CFAP57: variants seen among roughly 807,000 people sequenced by gnomAD.
CFAP57 encodes cilia- and flagella-associated protein 57.
In CFAP57, 116 loss-of-function variants were observed where a neutral mutation model predicts 146.8. That is an observed-to-expected ratio of 0.79 (90% CI 0.68 to 0.92). CFAP57 has a LOEUF of 0.92. Ranked by LOEUF, CFAP57 falls within the 40% of genes least tolerant of loss-of-function variation. The pLI, the probability that CFAP57 is intolerant of heterozygous loss-of-function variation, is 0.00. For synonymous variants in CFAP57, 518 were observed against 552.8 expected (o/e 0.94, Z 0.88); for missense variants, 1,377 against 1,527.2 (o/e 0.90, Z 1.64).
intron 6 of CFAP57, among the ~76,000 whole-genome samples, chr1:43,188,578 C>T (rs1405855596): frequency 6.6e-6 from 1 of 152,074 alleles, no homozygotes; most frequent in African/African-American, 2.4e-5. Context: ...GAAGAAATGT[C>T]TATTCAGATT....
intron 3 of CFAP57, among the ~76,000 whole-genome samples, 172 bp from the exon 4 acceptor site, chr1:43,183,419 A>C (rs1048363387): frequency 2.6e-5 from 4 of 152,180 alleles, no homozygotes; most frequent in African/African-American, 7.2e-5. Flanking sequence ...CTATAAATAT[A>C]ATGGATTATA....
In CFAP57 at chr1:43,172,883, G is replaced by T. The variant is rs758673449; in HGVS notation, c.130G>T (p.Asp44Tyr). 6.2e-7 allele frequency: 1 copy of T among 1,613,978 alleles called. No individual in the cohort carries two copies. The highest frequency in any genetic ancestry group is 1.7e-5 in the Admixed American group (1 of 60,000). Residue 44 changes from aspartate to tyrosine, a missense_variant, in exon 2 of 23, where the codon GAT becomes TAT. Coordinates refer to ENST00000372492, the MANE Select transcript of CFAP57 (RefSeq NM_001378189.1). ...SGNHCVKYNVDQKWQKFIPGS... is the reference protein window; with the variant it reads ...SGNHCVKYNVYQKWQKFIPGS... Reference sequence around the variant, plus strand: ...AAATCACTGTGTGAAGTACAATGTGGATCAGAAATGGCAAAAATTCATTCC... The same window carrying T: ...AAATCACTGTGTGAAGTACAATGTGTATCAGAAATGGCAAAAATTCATTCC...
Position 43,189,240 on chromosome 1 carries a change from C to T in CFAP57, c.1122+2381C>T, listed in dbSNP as rs116172774. The stretch of plus-strand genomic sequence containing the variant: ...TGGGTAGTCTGTGTCCCTTGCAATT[C>T]CATATGGATTTTACAGTCAGCTTTT... On this transcript the variant is annotated intron_variant, in intron 6 of 22. Coordinates refer to ENST00000372492, the MANE Select transcript of CFAP57 (RefSeq NM_001378189.1). 4.5e-3 allele frequency among the ~76,000 whole-genome samples: 691 copies of T among 152,290 alleles called. 3 individuals are homozygous for T. The highest frequency in any genetic ancestry group is 0.016 in the African/African-American group (662 of 41,550).
Position 43,215,244 on chromosome 1 carries a change from T to C in CFAP57, c.1930-11T>C. ...TGAAAGCTTCCTGGCCATGACCCTT[T>C]TTCTCTTCAGATGTTGCTTACCTTT... On this transcript the variant is annotated splice_polypyrimidine_tract_variant and intron_variant, in intron 11 of 22. Coordinates refer to ENST00000372492, the MANE Select transcript of CFAP57 (RefSeq NM_001378189.1). 6.4e-7 allele frequency: 1 copy of C among 1,551,034 alleles called. No individual in the cohort carries two copies. Among genetic ancestry groups the C allele is most frequent in the Non-Finnish European group, 8.7e-7 (1 of 1,146,988 alleles).
chr1:43,179,832 A>G (rs974684857), intron 2 of CFAP57, among the ~76,000 whole-genome samples: 5 of 152,086 alleles, frequency 3.3e-5, no homozygotes, highest in African/African-American at 1.2e-4. Flanking sequence ...TGGGAAATGC[A>G]ATCAGGGTCA....
chr1:43,247,464 G>A (rs1042365663), intron 22 of CFAP57, among the ~76,000 whole-genome samples: 2 of 152,120 alleles, frequency 1.3e-5, no homozygotes, highest in Admixed American at 6.5e-5. Flanking sequence ...CACTATTGAT[G>A]CAAAACAGCA....
rs756896285 is a variant in CFAP57 at position 43,199,594 on chromosome 1, G to A, written c.1542+91G>A. The A allele has an allele frequency of 7.2e-6, 8 of 1,106,736 alleles. No homozygotes were observed. The Admixed American group carries it at 8.8e-5, about 12-fold the overall frequency. The allele number at this position is 1,106,736 out of a possible 1,614,324, so 68.6% of individuals were successfully genotyped here. On this transcript the variant is annotated intron_variant, in intron 9 of 22. Coordinates refer to ENST00000372492, the MANE Select transcript of CFAP57 (RefSeq NM_001378189.1). ...GATACAGGTGAACAAAAGAGAGATG[G>A]TTCCTTTCCTCATGGGTTCACTGTC...
chr1:43,173,536 G>A (rs894414616), intron 2 of CFAP57, among the ~76,000 whole-genome samples: 13 of 151,238 alleles, frequency 8.6e-5, no homozygotes, highest in African/African-American at 2.7e-4. Context: ...ACCCAGCATA[G>A]GAAACAGAAT....
chr1:43,181,732 C>G lies in CFAP57; in HGVS notation c.356C>G (p.Ser119Cys). Residue 119 changes from serine (S) to cysteine (C), a missense_variant, in exon 3 of 23, where the codon TCC becomes TGC. Physicochemically the swap from Ser to Cys is moderately radical, Grantham distance 112. Coordinates refer to ENST00000372492, the MANE Select transcript of CFAP57 (RefSeq NM_001378189.1). ...KFISMAFSPD[S>C]KYLLAQTSPP... ...ATTAGCATGGCTTTTTCTCCAGACT[C>G]CAAATACCTATTGGCTCAGACGTCA... The G allele has an allele frequency of 6.2e-7, 1 of 1,614,174 alleles. No homozygotes were observed. The highest frequency in any genetic ancestry group is 8.5e-7 in the Non-Finnish European group (1 of 1,180,040).
intron 11 of CFAP57, chr1:43,210,770 T>C (rs1557778974): frequency 1.3e-5 from 2 of 152,400 alleles, no homozygotes; most frequent in Admixed American, 6.5e-5. Flanking sequence ...ACATTACAAA[T>C]GTATTTAATA....
At chr1:43,247,324 C>T (rs761958210) in intron 22 of CFAP57, among the ~76,000 whole-genome samples, 7 of 152,208 alleles carry the variant, frequency 4.6e-5, no homozygotes, top group Non-Finnish European at 1.0e-4. Flanking sequence ...GCCCAAAAAA[C>T]CACATGATGA....
In CFAP57 at chr1:43,224,427, C is replaced by T. The variant is rs568585865; in HGVS notation, c.2865+223C>T. Among the ~76,000 whole-genome samples, 9 of 152,344 alleles carry T rather than the reference C, an allele frequency of 5.9e-5. No individual in the cohort carries two copies. The South Asian group carries it at 1.7e-3, about 28-fold the overall frequency. ...CAACAACCCAGGGGGCCTGAGAACC[C>T]AGTGTTATGGTTCGGGAAGCTGAAC... On this transcript the variant is annotated intron_variant, in intron 17 of 22. Coordinates refer to ENST00000372492, the MANE Select transcript of CFAP57 (RefSeq NM_001378189.1).
intron 5 of CFAP57, 71 bp downstream of exon 5, chr1:43,185,427 T>A: frequency 7.0e-7 from 1 of 1,431,564 alleles, no homozygotes; most frequent in Non-Finnish European, 9.8e-7. Context: ...AGCAGTTCTC[T>A]GAGAAGGCAT....
chr1:43,247,712 C>A (rs547381895), intron 22 of CFAP57, among the ~76,000 whole-genome samples: 61 of 152,194 alleles, frequency 4.0e-4, no homozygotes, highest in Non-Finnish European at 7.9e-4. Context: ...TTTCTAATTT[C>A]TCTGTATGTG....
chr1:43,252,652 C>T (rs1646353279), intron 22 of CFAP57, among the ~76,000 whole-genome samples: 1 of 151,828 alleles, frequency 6.6e-6, no homozygotes, highest in African/African-American at 2.4e-5. Context: ...CAGAATAAAA[C>T]CAACAAAGAC....
chr1:43,213,038 A>G (rs1052521352), intron 11 of CFAP57, among the ~76,000 whole-genome samples: 5 of 151,952 alleles, frequency 3.3e-5, no homozygotes, highest in Non-Finnish European at 7.4e-5. Flanking sequence ...ACCAACCCAT[A>G]CACTCTTCCC....
At chr1:43,250,658 CAA>C (rs1646301415) in intron 22 of CFAP57, among the ~76,000 whole-genome samples, 1 of 152,198 alleles carries the variant, frequency 6.6e-6, no homozygotes, top group Non-Finnish European at 1.5e-5. Context: ...CCCTAGTGTC[CAA>C]ACTGAAACAG....
chr1:43,245,868 A>G (rs1465214492), intron 22 of CFAP57, among the ~76,000 whole-genome samples: 4 of 152,212 alleles, frequency 2.6e-5, no homozygotes, highest in Non-Finnish European at 4.4e-5. Flanking sequence ...CAATTACAGG[A>G]TACAAAATCA....
rs1274191142 is a variant in CFAP57, at chr1:43,238,577, C to G, written c.3405+3939C>G. Among the ~76,000 whole-genome samples, 1 of 152,066 alleles carries G rather than the reference C, an allele frequency of 6.6e-6. No homozygotes were observed. Among genetic ancestry groups the G allele is most frequent in the Non-Finnish European group, 1.5e-5 (1 of 67,996 alleles). On this transcript the variant is annotated intron_variant, in intron 21 of 22. Transcript: ENST00000372492. The surrounding 1 kb of genome is among the most constrained non-coding windows in gnomAD (Gnocchi z 4.3). Reference sequence around the variant, plus strand: ...ATCAGGAAGAGAAGGCTCGGCAAACCCATTGCATTCACATTTTTAATCCAC... The same window carrying G: ...ATCAGGAAGAGAAGGCTCGGCAAACGCATTGCATTCACATTTTTAATCCAC...
Sources: gnomAD v4.1 joint callset for allele counts (sites outside exome capture counted in the v4.1 genomes callset) on GRCh38, gnomAD v4.1.1 for gene constraint, Gnocchi (gnomAD v3.1) non-coding constraint, MANE v1.5 for transcripts, NCBI Gene and HGNC (gene_info 2026-07-23, HGNC 2026-07-21) for gene names.